Variants in SSBP2 observed in about 807,000 individuals in gnomAD.
SSBP2 encodes single stranded DNA binding protein 2.
A neutral mutation model predicts 61.8 loss-of-function variants in SSBP2; 17 were observed. The ratio of observed to expected loss-of-function variants is 0.28; its 90% CI spans 0.19 to 0.41. SSBP2 has a LOEUF of 0.41. Ranked by LOEUF, SSBP2 falls within the 10% of genes least tolerant of loss-of-function variation. The pLI, the probability that SSBP2 is intolerant of heterozygous loss-of-function variation, is 1.00. For missense variants in SSBP2, 310 were observed against 458.7 expected (o/e 0.68, Z 2.96); for synonymous variants, 139 against 141.3 (o/e 0.98, Z 0.12).
intron 12 of SSBP2, among the ~76,000 whole-genome samples, chr5:81,445,136 T>TTATA (rs1491266501): frequency 9.2e-5 from 1 of 10,920 alleles, no homozygotes; most frequent in Non-Finnish European, 1.3e-4. Flanking sequence ...AAAAAAAAAA[T>TTATA]TTTATATATA....
At chr5:81,592,714 G>C (rs1743201325) in intron 4 of SSBP2, among the ~76,000 whole-genome samples, 1 of 152,186 alleles carries the variant, frequency 6.6e-6, no homozygotes, top group Non-Finnish European at 1.5e-5. Context: ...CACCGCTGCT[G>C]GTACTCAGGC....
At position 81,592,601 on chromosome 5, in the gene SSBP2, G is replaced by A. The variant is rs943187995; in HGVS notation, c.282+22872C>T. 1.1e-4 allele frequency among the ~76,000 whole-genome samples: 17 copies of A among 152,264 alleles called. 1 individual carries two copies. Among genetic ancestry groups the A allele is most frequent in the East Asian group, 3.9e-4 (2 of 5,166 alleles). On this transcript the variant is annotated intron_variant, in intron 4 of 16. Transcript: ENST00000320672. Reference sequence around the variant, plus strand: ...GTGGGAGGCACCCCCTAGTAGGGGCGGACTGACACCTTACACAGCCGGATA... The same window carrying A: ...GTGGGAGGCACCCCCTAGTAGGGGCAGACTGACACCTTACACAGCCGGATA...
chr5:81,566,932 AGT>A (rs1402494771), intron 4 of SSBP2, among the ~76,000 whole-genome samples: 3 of 152,206 alleles, frequency 2.0e-5, no homozygotes, highest in Non-Finnish European at 2.9e-5. Context: ...GAGATGATTT[AGT>A]GTATCTGACA....
At chr5:81,609,308 C>A (rs1561600218) in intron 4 of SSBP2, among the ~76,000 whole-genome samples, 1 of 152,180 alleles carries the variant, frequency 6.6e-6, no homozygotes, top group East Asian at 1.9e-4. Flanking sequence ...ATTTTTCCAA[C>A]TTCATCCAGT....
chr5:81,594,596 A>T (rs1401159713), intron 4 of SSBP2, among the ~76,000 whole-genome samples: 2 of 152,222 alleles, frequency 1.3e-5, no homozygotes, highest in Non-Finnish European at 2.9e-5. Context: ...TTGGAAGTAA[A>T]GCACTCCTCA....
intron 4 of SSBP2, among the ~76,000 whole-genome samples, chr5:81,537,826 T>G (rs2154113766): frequency 6.6e-6 from 1 of 152,244 alleles, no homozygotes; most frequent in South Asian, 2.1e-4. Context: ...GGCTTCCCTA[T>G]TCCCTGAGAC....
At chr5:81,502,199 C>T (rs982776855) in intron 5 of SSBP2, among the ~76,000 whole-genome samples, 1 of 152,138 alleles carries the variant, frequency 6.6e-6, no homozygotes, top group African/African-American at 2.4e-5. Flanking sequence ...TAATGACTTC[C>T]TTGTTGTTAA....
At chr5:81,438,801 T>G (rs1387629990) in intron 14 of SSBP2, among the ~76,000 whole-genome samples, 2 of 152,178 alleles carry the variant, frequency 1.3e-5, no homozygotes, top group Non-Finnish European at 2.9e-5. Context: ...TTGCAATAAA[T>G]TGGAAAATAA....
At chr5:81,596,926 C>T (rs1268548348) in intron 4 of SSBP2, among the ~76,000 whole-genome samples, 9 of 149,112 alleles carry the variant, frequency 6.0e-5, no homozygotes, top group East Asian at 4.0e-4. Context: ...GACACAGGCA[C>T]GGGCAAGGAC....
At chr5:81,478,527 C>T (rs6895015) in intron 6 of SSBP2, among the ~76,000 whole-genome samples, 44,048 of 151,864 alleles carry the variant, frequency 0.29, 6,957 homozygotes, top group African/African-American at 0.39. Context: ...TTTTAGTAGT[C>T]GGGGTTTCAC....
intron 5 of SSBP2, among the ~76,000 whole-genome samples, chr5:81,504,114 C>T (rs1484730349): frequency 2.0e-5 from 3 of 152,144 alleles, no homozygotes; most frequent in Non-Finnish European, 4.4e-5. Flanking sequence ...CAAACCAGCA[C>T]ATGTACCCCT....
At chr5:81,605,475 T>C (rs1468554864) in intron 4 of SSBP2, among the ~76,000 whole-genome samples, 1 of 152,164 alleles carries the variant, frequency 6.6e-6, no homozygotes, top group Non-Finnish European at 1.5e-5. Flanking sequence ...ATTACTATTC[T>C]AGTCTTTCAA....
intron 1 of SSBP2, among the ~76,000 whole-genome samples, chr5:81,698,854 C>CT (rs1329487976): frequency 1.3e-5 from 2 of 152,136 alleles, no homozygotes; most frequent in African/African-American, 2.4e-5. Flanking sequence ...TCCAATAAAT[C>CT]TAATTCTGAA....
chr5:81,495,656 C>G (rs1046009500), intron 5 of SSBP2, among the ~76,000 whole-genome samples: 26 of 152,130 alleles, frequency 1.7e-4, no homozygotes, highest in Non-Finnish European at 3.1e-4. Flanking sequence ...ATCAGAGCAA[C>G]AACTATCTTA....
intron 1 of SSBP2, among the ~76,000 whole-genome samples, chr5:81,738,901 A>G (rs1303539098): frequency 1.3e-5 from 2 of 152,174 alleles, no homozygotes; most frequent in Non-Finnish European, 2.9e-5. Context: ...ACAGTGGCCC[A>G]CGTCTGTAAT....
intron 4 of SSBP2, among the ~76,000 whole-genome samples, chr5:81,540,956 A>C (rs1350330288): frequency 6.6e-6 from 1 of 152,166 alleles, no homozygotes; most frequent in Admixed American, 6.5e-5. Context: ...TATCCAAATA[A>C]GAAAAGAAGT....
At chr5:81,473,495 T>G (rs370351566) in intron 8 of SSBP2, among the ~76,000 whole-genome samples, 1 of 152,098 alleles carries the variant, frequency 6.6e-6, no homozygotes, top group East Asian at 1.9e-4. Flanking sequence ...CGGTGTTTGG[T>G]TTTCTGTTTC....
chr5:81,447,838 T>C, intron 11 of SSBP2: 1 of 152,240 alleles, frequency 6.6e-6, no homozygotes, highest in Non-Finnish European at 1.5e-5. Flanking sequence ...ATAGGTTTTA[T>C]ATAAATTTTC....
intron 1 of SSBP2, among the ~76,000 whole-genome samples, chr5:81,718,846 C>T (rs1174796040): frequency 6.6e-6 from 1 of 152,158 alleles, no homozygotes; most frequent in East Asian, 1.9e-4. Flanking sequence ...GCAAGTAAGT[C>T]TGTAACTTCT....
Sources: allele counts gnomAD v4.1 joint callset (sites outside exome capture counted in the v4.1 genomes callset), GRCh38; gene constraint gnomAD v4.1.1; transcripts MANE v1.5; gene names NCBI Gene and HGNC (gene_info 2026-07-23, HGNC 2026-07-21).